FOXO1: variants seen among roughly 807,000 people sequenced by gnomAD.
FOXO1 encodes forkhead box O1, also known as forkhead box protein O1.
A neutral mutation model predicts 44.1 loss-of-function variants in FOXO1; 6 were observed. The observed-to-expected ratio is 0.14, with a 90% CI of 0.07 to 0.27. FOXO1 has a LOEUF of 0.27. FOXO1 is among the 10% of genes least tolerant of loss of function. The pLI is 1.00. For synonymous variants in FOXO1, 380 were observed against 362.7 expected (o/e 1.05, Z -0.54); for missense variants, 737 against 888.8 (o/e 0.83, Z 2.17).
chr13:40,620,165 T>A, intron 1 of FOXO1: 8 of 1,516,176 alleles, frequency 5.3e-6, no homozygotes, highest in Admixed American at 1.7e-5. Flanking sequence ...AGAATAACAG[T>A]AGAAGAAGAA....
intron 1 of FOXO1, among the ~76,000 whole-genome samples, chr13:40,577,128 AAGCT>A (rs1428130788): frequency 2.6e-5 from 4 of 152,126 alleles, no homozygotes; most frequent in Non-Finnish European, 5.9e-5. Flanking sequence ...GCATGAGGAT[AAGCT>A]GCAGTGGCAT....
In FOXO1 at chr13:40,560,443, G is replaced by A; in HGVS notation, c.1048C>T (p.Pro350Ser). Residue 350 changes from proline (P) to serine (S), a missense_variant, in exon 2 of 3, where the codon CCA becomes TCA. Around this residue, in one of 7 missense-constraint regions of FOXO1, gnomAD observed 136 missense variants for 186.4 expected, o/e 0.73. Transcript: ENST00000379561. The surrounding 1 kb of genome is among the most constrained non-coding windows in gnomAD (Gnocchi z 5.1). The stretch of plus-strand genomic sequence containing the variant: ...GTAGAGGCCATCTTTGCGGCAGATG[G>A]CGGGTACACCATAGAATGCACATCC... ...EGDVHSMVYP[P>S]SAAKMASTLP... 2 of 1,614,178 alleles carry A rather than the reference G, an allele frequency of 1.2e-6. 1 individual carries two copies. Among genetic ancestry groups the A allele is most frequent in the South Asian group, 2.2e-5 (2 of 91,092 alleles).
At chr13:40,654,898 C>G (rs923823583) in intron 1 of FOXO1, among the ~76,000 whole-genome samples, 2 of 152,078 alleles carry the variant, frequency 1.3e-5, no homozygotes, top group African/African-American at 4.8e-5. Flanking sequence ...GAGATAAGAA[C>G]CCTCAGGGAA....
intron 1 of FOXO1, among the ~76,000 whole-genome samples, chr13:40,622,892 AAAC>A (rs1480762271): frequency 6.6e-6 from 1 of 152,204 alleles, no homozygotes; most frequent in Non-Finnish European, 1.5e-5. Context: ...TGTAAGTAAG[AAAC>A]AACTCCAGAC....
At chr13:40,632,053 C>T (rs946593095) in intron 1 of FOXO1, among the ~76,000 whole-genome samples, 28 of 152,054 alleles carry the variant, frequency 1.8e-4, no homozygotes, top group African/African-American at 5.8e-4. Flanking sequence ...AGGTGGATCA[C>T]GAGGTCAGGA....
chr13:40,660,989 A>AC (rs1878018673), intron 1 of FOXO1, among the ~76,000 whole-genome samples: 3 of 151,340 alleles, frequency 2.0e-5, no homozygotes, highest in Admixed American at 6.6e-5. Flanking sequence ...AACAACAACA[A>AC]AAATGAGAAT....
intron 1 of FOXO1, among the ~76,000 whole-genome samples, chr13:40,641,234 T>C (rs1026406937): frequency 5.9e-5 from 9 of 152,100 alleles, no homozygotes; most frequent in African/African-American, 2.2e-4. Context: ...AGAGCCTTCC[T>C]ATCCATCTGG....
chr13:40,639,759 G>A lies in FOXO1; in HGVS notation c.630+25824C>T, dbSNP rs191538555. On this transcript the variant is annotated intron_variant, in intron 1 of 2. Transcript: ENST00000379561. The stretch of plus-strand genomic sequence containing the variant: ...GTTTCTTGAATTGCCAAATGTCAGA[G>A]GGACCAGCTGAGAACCACTAGCCCA... Among the ~76,000 whole-genome samples the A allele has an allele frequency of 1.9e-3, 288 of 152,354 alleles. 1 individual carries two copies. Among genetic ancestry groups the A allele is most frequent in the African/African-American group, 6.5e-3 (269 of 41,592 alleles).
At chr13:40,626,693 T>C (rs142912091) in intron 1 of FOXO1, among the ~76,000 whole-genome samples, 6 of 152,310 alleles carry the variant, frequency 3.9e-5, no homozygotes, top group East Asian at 1.9e-4. Context: ...TGCTCTCTCA[T>C]TGGGGAAAGA....
intron 1 of FOXO1, among the ~76,000 whole-genome samples, chr13:40,572,743 T>C (rs1477302760): frequency 1.3e-5 from 2 of 152,194 alleles, no homozygotes; most frequent in Non-Finnish European, 2.9e-5. Flanking sequence ...ATCACAGAGA[T>C]TGAGCCCAAG....
intron 1 of FOXO1, among the ~76,000 whole-genome samples, chr13:40,632,066 T>TGGAGACCATCCTGGCTAACACAGTG (rs1876981798): frequency 6.6e-6 from 1 of 151,922 alleles, no homozygotes; most frequent in Non-Finnish European, 1.5e-5. Flanking sequence ...GGTCAGGAGA[T>TGGAGACCATCCTGGCTAACACAGTG]GGAGACCATC....
chr13:40,639,856 C>T (rs961966488), intron 1 of FOXO1, among the ~76,000 whole-genome samples: 4 of 152,180 alleles, frequency 2.6e-5, no homozygotes, highest in African/African-American at 7.2e-5. Context: ...GAAAAATCTT[C>T]GAAAATAAAA....
chr13:40,628,356 TACACACACACAC>T lies in FOXO1; in HGVS notation c.630+37215_630+37226del, dbSNP rs34314244. 1.6e-4 allele frequency among the ~76,000 whole-genome samples: 23 copies of T among 145,300 alleles called. No individual in the cohort carries two copies. In the South Asian group the frequency reaches 2.0e-3, roughly 13 times the overall value. ...TCAGCTATTCCTCAAAAGAGCTGTT[TACACACACACAC>T]ACACACACACACACACACACACCCC... On this transcript the variant is annotated intron_variant, in intron 1 of 2. Coordinates refer to ENST00000379561, the MANE Select transcript of FOXO1 (RefSeq NM_002015.4).
chr13:40,626,167 A>C (rs544165762), intron 1 of FOXO1, among the ~76,000 whole-genome samples: 1 of 152,320 alleles, frequency 6.6e-6, no homozygotes, highest in Admixed American at 6.5e-5. Context: ...CTAATATATG[A>C]CATATTCTAT....
rs1351352362 is a variant in FOXO1 at position 40,619,804 on chromosome 13, A to G, written c.630+45779T>C. 11 of 777,260 alleles carry G rather than the reference A, an allele frequency of 1.4e-5. No homozygotes were observed. The East Asian group carries it at 2.7e-4, about 19-fold the overall frequency. 48.1% of individuals were successfully genotyped at this position (777,260 alleles called of 1,614,324 possible). A position where few individuals can be genotyped will look rare whatever the true frequency, so the allele number is the denominator to read the frequency against. ...TCCCAGAGCTAGTGCTTCACGCACT[A>G]ATTTCAGTAGTCACACAAACCAGTC... On this transcript the variant is annotated intron_variant, in intron 1 of 2. Transcript: ENST00000379561.
intron 1 of FOXO1, among the ~76,000 whole-genome samples, chr13:40,612,899 C>CTATCT (rs1303532922): frequency 6.6e-6 from 1 of 152,154 alleles, no homozygotes; most frequent in African/African-American, 2.4e-5. Flanking sequence ...GGTCCTGGAA[C>CTATCT]TATCTCCCTC....
At chr13:40,581,112 A>G (rs1002499702) in intron 1 of FOXO1, among the ~76,000 whole-genome samples, 2 of 152,226 alleles carry the variant, frequency 1.3e-5, no homozygotes, top group African/African-American at 4.8e-5. Flanking sequence ...AAAGAGCTTT[A>G]GACTTTTCTG....
intron 1 of FOXO1, among the ~76,000 whole-genome samples, chr13:40,562,412 T>C (rs1466988940): frequency 2.0e-5 from 3 of 152,218 alleles, no homozygotes; most frequent in African/African-American, 7.2e-5. Context: ...TGCTACTTAC[T>C]TACCTAGGTG....
chr13:40,637,303 G>T (rs1289092511), intron 1 of FOXO1, among the ~76,000 whole-genome samples: 1 of 151,966 alleles, frequency 6.6e-6, no homozygotes, highest in African/African-American at 2.4e-5. Context: ...AATTAGCCGG[G>T]CATGGTGACA....
Sources: allele counts gnomAD v4.1 joint callset (sites outside exome capture counted in the v4.1 genomes callset), GRCh38; gene constraint gnomAD v4.1.1; regional missense constraint gnomAD v4.1.1; non-coding constraint Gnocchi (gnomAD v3.1); transcripts MANE v1.5; gene names NCBI Gene and HGNC (gene_info 2026-07-23, HGNC 2026-07-21).